LETM1: variants seen among roughly 807,000 people sequenced by gnomAD.
The protein encoded by LETM1 is leucine zipper and EF-hand containing transmembrane protein 1.
Under a neutral mutation model 74.5 loss-of-function variants are expected in LETM1, and 50 were observed. That is an observed-to-expected ratio of 0.67 (90% confidence interval 0.53 to 0.85). The LOEUF is 0.85. Among genes scored for constraint, LETM1 ranks in the 40% least tolerant of loss-of-function variants. The probability of loss-of-function intolerance (pLI) is 0.00; values close to 1 mark genes in which losing one functional copy is unlikely to be tolerated. For missense variants in LETM1, 824 were observed against 967.8 expected, an observed-to-expected ratio of 0.85 and a Z score of 1.97; for synonymous variants, 446 against 407.1, an observed-to-expected ratio of 1.10 and a Z score of -1.15.
chr4:1,815,449 C>T (rs1183311142), intron 13 of LETM1, among the ~76,000 whole-genome samples: 1 of 152,230 alleles, frequency 6.6e-6, no homozygotes, highest in Non-Finnish European at 1.5e-5. Context: ...CGTTTTCTCT[C>T]TCAACACTTG....
intron 3 of LETM1, among the ~76,000 whole-genome samples, chr4:1,837,149 G>C (rs539012881): frequency 6.6e-6 from 1 of 152,180 alleles, no homozygotes; most frequent in African/African-American, 2.4e-5. Flanking sequence ...GGAAAACAGC[G>C]CGGGTGATGC....
intron 1 of LETM1, among the ~76,000 whole-genome samples, chr4:1,854,519 C>A (rs565172924): frequency 6.7e-6 from 1 of 149,700 alleles, no homozygotes; most frequent in East Asian, 2.0e-4. Context: ...GGGGGCCGGG[C>A]GCGGTGGCTC....
At chr4:1,818,672 C>CA (rs999151954) in intron 11 of LETM1, among the ~76,000 whole-genome samples, 10 of 151,556 alleles carry the variant, frequency 6.6e-5, no homozygotes, top group Non-Finnish European at 1.0e-4. Flanking sequence ...GTAATATTTA[C>CA]AAAAAAAGGG....
rs778912877 is a variant in LETM1 at position 1,849,120 on chromosome 4, C to T, written c.143+29G>A. Reference sequence around the variant, plus strand: ...TTTTCAAACCCTGTTTTCAAACAGACAGGTGCAGAGTGATACTGATTTACT... The same window carrying T: ...TTTTCAAACCCTGTTTTCAAACAGATAGGTGCAGAGTGATACTGATTTACT... On this transcript the variant is annotated intron_variant, in intron 2 of 13. Coordinates refer to ENST00000302787, the MANE Select transcript of LETM1 (RefSeq NM_012318.3). The T allele has an allele frequency of 3.2e-6, 5 of 1,547,020 alleles. No homozygotes were observed. In the African/African-American group the frequency reaches 5.4e-5, roughly 17 times the overall value.
At chr4:1,849,310 G>A (rs996749980) in intron 1 of LETM1, 101 bp from the exon 2 acceptor site, 9 of 808,400 alleles carry the variant, frequency 1.1e-5, no homozygotes, top group Admixed American at 2.0e-5. Flanking sequence ...TTGCGCCCAG[G>A]CTAGAGTGCA....
chr4:1,835,436 G>A lies in LETM1; in HGVS notation c.739-454C>T, dbSNP rs141417333. Among the ~76,000 whole-genome samples, 614 of 150,618 alleles carry A rather than the reference G, an allele frequency of 4.1e-3. 4 individuals are homozygous for A. The highest frequency in any genetic ancestry group is 0.014 in the African/African-American group (587 of 40,654). ...AGCCTGGGTGACAGAGCGAAACTCC[G>A]TCTCAAAAAAAAAACAAAAACAAAA... On this transcript the variant is annotated intron_variant, in intron 4 of 13. Coordinates refer to ENST00000302787, the MANE Select transcript of LETM1 (RefSeq NM_012318.3).
At chr4:1,818,405 A>T (rs1050506050) in intron 11 of LETM1, among the ~76,000 whole-genome samples, 3 of 152,070 alleles carry the variant, frequency 2.0e-5, no homozygotes, top group Admixed American at 6.5e-5. Context: ...TGAGGTCAGG[A>T]GTTCGAGACC....
At position 1,823,639 on chromosome 4, in the gene LETM1, C is replaced by A; in HGVS notation, c.1332+5G>T. 6.2e-7 allele frequency: 1 copy of A among 1,613,554 alleles called. No homozygotes were observed. Among genetic ancestry groups the A allele is most frequent in the South Asian group, 1.1e-5 (1 of 91,066 alleles). On this transcript the variant is annotated splice_donor_5th_base_variant and intron_variant, in intron 8 of 13. Coordinates refer to ENST00000302787, the MANE Select transcript of LETM1 (RefSeq NM_012318.3). Reference sequence around the variant, plus strand: ...GAGGTAAAAGGGGTCTCCGACAGCACGTACCACAATCTCTGGGAGGGTCTG... The same window carrying A: ...GAGGTAAAAGGGGTCTCCGACAGCAAGTACCACAATCTCTGGGAGGGTCTG...
chr4:1,822,531 T>A, intron 9 of LETM1: 1 of 411,528 alleles, frequency 2.4e-6, no homozygotes, highest in Non-Finnish European at 4.1e-6. Flanking sequence ...CTTATCCATC[T>A]CTGGTCTCCC....
At chr4:1,833,586 G>C (rs1712355938) in intron 5 of LETM1, 1 of 157,510 alleles carries the variant, frequency 6.3e-6, no homozygotes, top group African/African-American at 2.4e-5. Context: ...AGCCTTGGGG[G>C]AGGGGTGGCC....
intron 6 of LETM1, among the ~76,000 whole-genome samples, chr4:1,826,568 C>A (rs756853518): frequency 3.3e-5 from 5 of 152,240 alleles, no homozygotes; most frequent in Non-Finnish European, 7.3e-5. Flanking sequence ...ACCTGGAGTG[C>A]TCTCTGAACA....
Position 1,822,324 on chromosome 4 carries a change from G to A in LETM1, c.1477-12C>T. ...GGCTCAAAATCCTTCTGAAAGGCAAGGCGACACCAGCCCAGCGCCCGCCAT... is the reference window on the plus strand; with the variant it reads ...GGCTCAAAATCCTTCTGAAAGGCAAAGCGACACCAGCCCAGCGCCCGCCAT... On this transcript the variant is annotated splice_polypyrimidine_tract_variant and intron_variant, in intron 9 of 13. Coordinates refer to ENST00000302787, the MANE Select transcript of LETM1 (RefSeq NM_012318.3). 2.7e-6 allele frequency: 4 copies of A among 1,480,592 alleles called. No homozygotes were observed. Among genetic ancestry groups the A allele is most frequent in the Non-Finnish European group, 3.6e-6 (4 of 1,105,502 alleles). 91.7% of individuals were successfully genotyped at this position (1,480,592 alleles called of 1,614,324 possible).
At chr4:1,829,400 C>A (rs1379224676) in intron 6 of LETM1, among the ~76,000 whole-genome samples, 5 of 151,846 alleles carry the variant, frequency 3.3e-5, no homozygotes, top group Admixed American at 3.3e-4. Flanking sequence ...GGGGGGCTGA[C>A]CCCCCAACCT....
intron 1 of LETM1, among the ~76,000 whole-genome samples, chr4:1,851,980 T>C (rs1713085065): frequency 6.6e-6 from 1 of 152,220 alleles, no homozygotes. Context: ...ATGGGGATCA[T>C]TGCTCCACGT....
At chr4:1,818,109 T>C (rs1250858621) in intron 11 of LETM1, among the ~76,000 whole-genome samples, 2 of 152,038 alleles carry the variant, frequency 1.3e-5, no homozygotes, top group African/African-American at 4.8e-5. Context: ...TCCAAGTTGT[T>C]TTTTTCCCAC....
intron 6 of LETM1, among the ~76,000 whole-genome samples, chr4:1,827,877 G>C (rs112048969): frequency 6.8e-6 from 1 of 146,002 alleles, no homozygotes; most frequent in Admixed American, 6.7e-5. Flanking sequence ...GGGCAGAGGC[G>C]CCCCCCCCAC....
intron 2 of LETM1, chr4:1,843,025 G>T: frequency 2.6e-6 from 1 of 378,342 alleles, no homozygotes; most frequent in South Asian, 2.0e-5. Flanking sequence ...CATGTGTGTC[G>T]CATAACTTCA....
At chr4:1,819,501 C>G in intron 10 of LETM1, 29 bp from the exon 11 acceptor site, 1 of 1,601,174 alleles carries the variant, frequency 6.2e-7, no homozygotes, top group Non-Finnish European at 8.5e-7. Flanking sequence ...AACAACAAAG[C>G]CTGAGCCAAG....
chr4:1,821,984 C>T lies in LETM1; in HGVS notation c.1608+197G>A, dbSNP rs555391857. Among the ~76,000 whole-genome samples the T allele has an allele frequency of 2.2e-4, 34 of 152,306 alleles. No homozygotes were observed. In the South Asian group the frequency reaches 4.8e-3, roughly 21 times the overall value. ...GTGCACCCAGGCACAGTGCGGAGCC[C>T]GGCCGGACTCACTCTTTTCCTAACC... On this transcript the variant is annotated intron_variant, in intron 10 of 13. Coordinates refer to ENST00000302787, the MANE Select transcript of LETM1 (RefSeq NM_012318.3).
Sources: gnomAD v4.1 joint callset for allele counts (sites outside exome capture counted in the v4.1 genomes callset) on GRCh38, gnomAD v4.1.1 for gene constraint, MANE v1.5 for transcripts, NCBI Gene and HGNC (gene_info 2026-07-23, HGNC 2026-07-21) for gene names.